The following PTPRG variants were observed in gnomAD, a reference collection of about 807,000 sequenced individuals.
PTPRG encodes the protein protein tyrosine phosphatase receptor type G.
PTPRG carries 102 observed loss-of-function variants against 165.3 expected under a neutral mutation model. That is an observed-to-expected ratio of 0.62 (90% CI 0.53 to 0.73). The LOEUF (loss-of-function observed/expected upper bound fraction) is 0.73. Ranked by LOEUF, PTPRG falls within the 30% of genes least tolerant of loss-of-function variation. The pLI, the probability that PTPRG is intolerant of heterozygous loss-of-function variation, is 0.00. For synonymous variants in PTPRG, 675 were observed against 669.5 expected (o/e 1.01, Z -0.13); for missense variants, 1,866 against 1,861.4 (o/e 1.00, Z -0.05).
At chr3:62,090,550 G>T (rs894845311) in intron 5 of PTPRG, among the ~76,000 whole-genome samples, 4 of 152,100 alleles carry the variant, frequency 2.6e-5, no homozygotes, top group Admixed American at 2.6e-4. Flanking sequence ...TTTGAATTTT[G>T]TAAGTGAAAA....
intron 2 of PTPRG, among the ~76,000 whole-genome samples, chr3:61,800,869 CT>C (rs1241970715): frequency 2.6e-5 from 4 of 152,094 alleles, no homozygotes; most frequent in Admixed American, 2.0e-4. Flanking sequence ...GTCTCGAACT[CT>C]GGACCTCAGG....
At chr3:61,941,006 C>T (rs2039613560) in intron 2 of PTPRG, among the ~76,000 whole-genome samples, 2 of 152,182 alleles carry the variant, frequency 1.3e-5, no homozygotes, top group Non-Finnish European at 2.9e-5. Context: ...AGATCAGACA[C>T]ATTGACATTC....
intron 4 of PTPRG, among the ~76,000 whole-genome samples, chr3:62,040,342 A>G (rs1700086172): frequency 6.6e-6 from 1 of 152,234 alleles, no homozygotes; most frequent in African/African-American, 2.4e-5. Flanking sequence ...ACCTATGGGA[A>G]AATGTGCTGT....
At chr3:61,562,912 T>G (rs1438352326) in intron 1 of PTPRG, among the ~76,000 whole-genome samples, 1 of 151,392 alleles carries the variant, frequency 6.6e-6, no homozygotes, top group Non-Finnish European at 1.5e-5. Context: ...TGAGGATGTG[T>G]GGGGAGCAGC....
At chr3:61,708,443 CTTTTTTTTTTTTTTT>C (rs61136954) in intron 1 of PTPRG, among the ~76,000 whole-genome samples, 1 of 75,908 alleles carries the variant, frequency 1.3e-5, no homozygotes. Context: ...CTCTGCAAAT[CTTTTTTTTTTTTTTT>C]TTTTTTTTTT....
At chr3:61,623,430 G>T (rs1701517034) in intron 1 of PTPRG, among the ~76,000 whole-genome samples, 1 of 152,152 alleles carries the variant, frequency 6.6e-6, no homozygotes, top group Non-Finnish European at 1.5e-5. Context: ...ATTACAACTA[G>T]GCCTTGCTTT....
chr3:62,191,010 G>A (rs1045383803), intron 8 of PTPRG, among the ~76,000 whole-genome samples: 2 of 152,184 alleles, frequency 1.3e-5, no homozygotes, highest in African/African-American at 4.8e-5. Context: ...GAGGAGAAGC[G>A]TCAGAATGCT....
chr3:61,748,762 C>G, intron 1 of PTPRG, 116 bp from the exon 2 acceptor site: 1 of 704,018 alleles, frequency 1.4e-6, no homozygotes, highest in Admixed American at 3.1e-5. Context: ...TGGTTCTAGT[C>G]AGTCATCCTC....
chr3:62,289,881 T>C (rs946018562), intron 28 of PTPRG, among the ~76,000 whole-genome samples: 8 of 152,074 alleles, frequency 5.3e-5, no homozygotes, highest in Admixed American at 2.0e-4. Flanking sequence ...ATCTAGGTGC[T>C]AGCCAACACA....
chr3:62,140,975 G>A (rs1448209257), intron 6 of PTPRG, among the ~76,000 whole-genome samples: 2 of 151,874 alleles, frequency 1.3e-5, no homozygotes, highest in Non-Finnish European at 2.9e-5. Flanking sequence ...GATTGCCCAG[G>A]TATAATATAA....
chr3:61,907,016 G>A (rs1365422983), intron 2 of PTPRG, among the ~76,000 whole-genome samples: 1 of 151,998 alleles, frequency 6.6e-6, no homozygotes, highest in Non-Finnish European at 1.5e-5. Context: ...TTACACTTTT[G>A]AGTTGGACAA....
At chr3:61,709,698 C>T (rs971802771) in intron 1 of PTPRG, among the ~76,000 whole-genome samples, 4 of 152,166 alleles carry the variant, frequency 2.6e-5, no homozygotes, top group South Asian at 2.1e-4. Flanking sequence ...ACTATCTAGC[C>T]GTGTATGGAA....
At chr3:62,072,310 A>G (rs989164986) in intron 4 of PTPRG, among the ~76,000 whole-genome samples, 4 of 152,142 alleles carry the variant, frequency 2.6e-5, no homozygotes, top group Non-Finnish European at 5.9e-5. Context: ...GTCGATGATG[A>G]TGCTTTTAAT....
chr3:61,634,549 G>GT (rs1278774730), intron 1 of PTPRG, among the ~76,000 whole-genome samples: 44 of 148,698 alleles, frequency 3.0e-4, no homozygotes, highest in African/African-American at 6.9e-4. Flanking sequence ...GTGTGTGTGT[G>GT]TTTTTTTTTT....
chr3:62,087,035 A>C (rs938344205), intron 5 of PTPRG, among the ~76,000 whole-genome samples: 2 of 151,280 alleles, frequency 1.3e-5, no homozygotes, highest in African/African-American at 4.8e-5. Context: ...CAAGGACGTT[A>C]CCAAGTACTT....
intron 8 of PTPRG, among the ~76,000 whole-genome samples, chr3:62,179,023 G>A (rs1285817789): frequency 1.3e-5 from 2 of 152,194 alleles, no homozygotes; most frequent in Non-Finnish European, 2.9e-5. Flanking sequence ...AGCCATAGGA[G>A]GTATCTAGCT....
intron 1 of PTPRG, among the ~76,000 whole-genome samples, chr3:61,621,163 A>T (rs1046368184): frequency 1.3e-5 from 2 of 151,822 alleles, no homozygotes; most frequent in Admixed American, 1.3e-4. Flanking sequence ...GGTCAAAACT[A>T]TTCTGGATAT....
intron 1 of PTPRG, among the ~76,000 whole-genome samples, chr3:61,729,413 T>C (rs149719757): frequency 2.0e-4 from 30 of 152,292 alleles, no homozygotes; most frequent in African/African-American, 7.2e-4. Context: ...TTTCATAGAG[T>C]AGGCTATCAG....
chr3:62,090,257 AAC>A (rs1162002923), intron 5 of PTPRG, among the ~76,000 whole-genome samples: 1 of 152,156 alleles, frequency 6.6e-6, no homozygotes, highest in East Asian at 1.9e-4. Flanking sequence ...GGCATCCCTG[AAC>A]ACCATTCTAA....
Sources: allele counts gnomAD v4.1 joint callset (sites outside exome capture counted in the v4.1 genomes callset), GRCh38; gene constraint gnomAD v4.1.1; transcripts MANE v1.5; gene names NCBI Gene and HGNC (gene_info 2026-07-23, HGNC 2026-07-21).